Variants in SCN11A observed in about 807,000 individuals in gnomAD.
The protein encoded by SCN11A is sodium channel protein type 11 subunit alpha.
In SCN11A, 122 loss-of-function variants were observed where a neutral mutation model predicts 162.2. That is an observed-to-expected ratio of 0.75 (90% CI 0.65 to 0.87). The LOEUF (loss-of-function observed/expected upper bound fraction) is 0.87. Among genes scored for constraint, SCN11A ranks in the 40% least tolerant of loss-of-function variants. The pLI, the probability that SCN11A is intolerant of heterozygous loss-of-function variation, is 0.00. For missense variants in SCN11A, 2,015 were observed against 2,181.6 expected (o/e 0.92, Z 1.52); for synonymous variants, 758 against 751.5 (o/e 1.01, Z -0.14).
intron 11 of SCN11A, 141 bp downstream of exon 11, chr3:38,919,794 C>A: frequency 1.5e-6 from 1 of 665,320 alleles, no homozygotes; most frequent in Non-Finnish European, 2.6e-6. Flanking sequence ...TAACACAAGT[C>A]TAAACATGTT....
At chr3:38,995,799 GTCTA>G (rs745582413) in intron 2 of SCN11A, among the ~76,000 whole-genome samples, 21 of 131,480 alleles carry the variant, frequency 1.6e-4, no homozygotes, top group African/African-American at 2.7e-4. Context: ...ACAATAAATT[GTCTA>G]TCTATCTATC....
intron 2 of SCN11A, among the ~76,000 whole-genome samples, chr3:38,962,168 G>A (rs1280136870): frequency 6.6e-6 from 1 of 152,170 alleles, no homozygotes; most frequent in Non-Finnish European, 1.5e-5. Context: ...TTGAAGATCA[G>A]TTGGCTGTAA....
chr3:38,962,560 T>C (rs1410468395), intron 2 of SCN11A, among the ~76,000 whole-genome samples: 1 of 152,074 alleles, frequency 6.6e-6, no homozygotes, highest in African/African-American at 2.4e-5. Flanking sequence ...CATCAAAAAG[T>C]GGGCTAAGGG....
intron 4 of SCN11A, among the ~76,000 whole-genome samples, chr3:38,953,025 A>G (rs1182011851): frequency 6.6e-6 from 1 of 151,966 alleles, no homozygotes; most frequent in Admixed American, 6.6e-5. Context: ...TTGTTACTGC[A>G]GAGGCGAAAC....
intron 2 of SCN11A, among the ~76,000 whole-genome samples, chr3:38,970,823 G>T (rs1265534438): frequency 6.6e-6 from 1 of 152,186 alleles, no homozygotes; most frequent in Non-Finnish European, 1.5e-5. Flanking sequence ...AGGCTTCATT[G>T]TGCCCCCAGA....
At chr3:39,027,927 G>A (rs559606313) in intron 2 of SCN11A, among the ~76,000 whole-genome samples, 46 of 152,286 alleles carry the variant, frequency 3.0e-4, no homozygotes, top group African/African-American at 8.9e-4. Context: ...TCATGGTGAT[G>A]CACCCACACA....
intron 7 of SCN11A, among the ~76,000 whole-genome samples, chr3:38,930,903 C>T (rs1232346918): frequency 1.6e-4 from 25 of 152,158 alleles, no homozygotes; most frequent in Admixed American, 1.6e-3. Context: ...TCCTCCCTGC[C>T]TTATGGGTAT....
At chr3:38,971,146 T>C (rs1044858830) in intron 2 of SCN11A, among the ~76,000 whole-genome samples, 3 of 151,596 alleles carry the variant, frequency 2.0e-5, no homozygotes, top group African/African-American at 7.3e-5. Flanking sequence ...ACATTTTTTC[T>C]TTTCTTTTTC....
At position 38,975,930 on chromosome 3, in the gene SCN11A, T is replaced by C. The variant is rs149022869; in HGVS notation, c.-279-15507A>G. Among the ~76,000 whole-genome samples, 377 of 152,280 alleles carry C rather than the reference T, an allele frequency of 2.5e-3. 1 individual carries two copies. Among genetic ancestry groups the C allele is most frequent in the Non-Finnish European group, 4.5e-3 (308 of 68,008 alleles). ...ACATGTGAATGTACTTAACGCTATA[T>C]TGAATGGTACACTTTAAAATGGTAG... On this transcript the variant is annotated intron_variant, in intron 2 of 29. Coordinates refer to ENST00000302328, the MANE Select transcript of SCN11A (RefSeq NM_001349253.2).
chr3:39,044,485 A>C (rs1016697337), intron 1 of SCN11A, among the ~76,000 whole-genome samples: 9 of 152,208 alleles, frequency 5.9e-5, no homozygotes, highest in Non-Finnish European at 1.0e-4. Context: ...TTCTGACTAC[A>C]ATGAAATAAA....
At chr3:38,963,057 T>C (rs1302998074) in intron 2 of SCN11A, among the ~76,000 whole-genome samples, 3 of 151,424 alleles carry the variant, frequency 2.0e-5, no homozygotes, top group African/African-American at 4.8e-5. Flanking sequence ...CAGTAGATGT[T>C]GGCGTGGATG....
intron 2 of SCN11A, among the ~76,000 whole-genome samples, chr3:38,968,979 A>G (rs2066800515): frequency 6.6e-6 from 1 of 152,240 alleles, no homozygotes; most frequent in African/African-American, 2.4e-5. Context: ...ACACACAGAT[A>G]CAAATACATA....
At chr3:38,869,279 C>T (rs1003390883) in intron 26 of SCN11A, among the ~76,000 whole-genome samples, 1 of 152,184 alleles carries the variant, frequency 6.6e-6, no homozygotes, top group Non-Finnish European at 1.5e-5. Flanking sequence ...CCATCTCCAC[C>T]TCCGCACAGA....
At chr3:38,855,214 C>T (rs1477920442) in intron 28 of SCN11A, among the ~76,000 whole-genome samples, 4 of 152,214 alleles carry the variant, frequency 2.6e-5, no homozygotes, top group Non-Finnish European at 5.9e-5. Flanking sequence ...GCCTCACCAA[C>T]TGTGTGGGAG....
At chr3:38,988,219 T>C (rs564237827) in intron 2 of SCN11A, among the ~76,000 whole-genome samples, 83 of 152,224 alleles carry the variant, frequency 5.5e-4, no homozygotes, top group African/African-American at 1.9e-3. Context: ...CCTTGATGCC[T>C]GCCCTTAACA....
chr3:39,035,395 T>C (rs542555063), intron 1 of SCN11A, among the ~76,000 whole-genome samples: 2 of 152,160 alleles, frequency 1.3e-5, no homozygotes, highest in South Asian at 2.1e-4. Flanking sequence ...GATATCCATA[T>C]GCAAAAGAAT....
At chr3:38,989,137 G>A (rs1395245952) in intron 2 of SCN11A, among the ~76,000 whole-genome samples, 1 of 152,162 alleles carries the variant, frequency 6.6e-6, no homozygotes, top group African/African-American at 2.4e-5. Context: ...AAGAACTCCA[G>A]ACATCCTGAG....
intron 2 of SCN11A, among the ~76,000 whole-genome samples, chr3:38,999,291 G>C (rs1248501989): frequency 6.6e-6 from 1 of 152,134 alleles, no homozygotes; most frequent in African/African-American, 2.4e-5. Context: ...CTTAGGACAG[G>C]AAGTTGAATC....
intron 27 of SCN11A, among the ~76,000 whole-genome samples, chr3:38,866,282 G>C (rs756778922): frequency 5.3e-5 from 8 of 151,296 alleles, no homozygotes; most frequent in Non-Finnish European, 8.8e-5. Flanking sequence ...GCAGTGGAGC[G>C]ATCTCGGCTT....
Sources: allele counts gnomAD v4.1 joint callset (sites outside exome capture counted in the v4.1 genomes callset), GRCh38; gene constraint gnomAD v4.1.1; transcripts MANE v1.5; gene names NCBI Gene and HGNC (gene_info 2026-07-23, HGNC 2026-07-21).